Variants in KIAA0319 observed in about 807,000 individuals in gnomAD.
KIAA0319 encodes dyslexia-associated protein KIAA0319.
Under a neutral mutation model 108.4 loss-of-function variants are expected in KIAA0319, and 83 were observed. The observed-to-expected ratio is 0.77, with a 90% CI of 0.64 to 0.92. The LOEUF (loss-of-function observed/expected upper bound fraction) is 0.92, where lower values mean the gene tolerates loss of function less well. Among genes scored for constraint, KIAA0319 ranks in the 40% least tolerant of loss-of-function variants. The probability of loss-of-function intolerance (pLI) is 0.00; values close to 1 mark genes in which losing one functional copy is unlikely to be tolerated. For synonymous variants in KIAA0319, 484 were observed against 510.4 expected (o/e 0.95, Z 0.70); for missense variants, 1,195 against 1,322.4 (o/e 0.90, Z 1.49).
At chr6:24,571,551 C>G (rs1265931589) in intron 11 of KIAA0319, among the ~76,000 whole-genome samples, 1 of 152,082 alleles carries the variant, frequency 6.6e-6, no homozygotes, top group Non-Finnish European at 1.5e-5. Flanking sequence ...TAGGATGGTG[C>G]CCCGGGCTCT....
chr6:24,631,102 T>A (rs1775527094), intron 1 of KIAA0319, among the ~76,000 whole-genome samples: 2 of 152,242 alleles, frequency 1.3e-5, no homozygotes, highest in Admixed American at 6.5e-5. Context: ...AAAGCCCTGC[T>A]TTTTAGAGCC....
chr6:24,556,470 T>G, intron 18 of KIAA0319, 137 bp downstream of exon 18: 1 of 926,762 alleles, frequency 1.1e-6, no homozygotes, highest in African/African-American at 1.7e-5. Context: ...CCTGGCTTAT[T>G]TTGTTATTTT....
In KIAA0319 at chr6:24,595,957, C is replaced by T. The variant is rs1582134046; in HGVS notation, c.717G>A (p.Pro239=). Residue 239 remains proline (P), a synonymous_variant, in exon 3 of 21, where the codon CCG becomes CCA. Coordinates refer to ENST00000378214, the MANE Select transcript of KIAA0319 (RefSeq NM_014809.4). The part of the protein sequence containing the change: ...LPERSVLLPL[P]TTPSSGEVLE... ...ACACCTCTCCTGAAGATGGAGTAGT[C>T]GGCAAGGGAAGCAACACACTTCTCT... 9.3e-6 allele frequency: 15 copies of T among 1,614,108 alleles called. No homozygotes were observed. Among genetic ancestry groups the T allele is most frequent in the Non-Finnish European group, 1.2e-5 (14 of 1,180,016 alleles).
At chr6:24,605,942 C>T (rs1421901953) in intron 1 of KIAA0319, among the ~76,000 whole-genome samples, 2 of 147,268 alleles carry the variant, frequency 1.4e-5, no homozygotes, top group Non-Finnish European at 1.5e-5. Flanking sequence ...ATGGATGTTT[C>T]TTTTTTTTTT....
At chr6:24,639,469 G>T (rs913971247) in intron 1 of KIAA0319, among the ~76,000 whole-genome samples, 2 of 152,184 alleles carry the variant, frequency 1.3e-5, no homozygotes, top group African/African-American at 4.8e-5. Flanking sequence ...TTAAGATAAA[G>T]ACTGAGTTTA....
chr6:24,632,456 T>C (rs961465865), intron 1 of KIAA0319, among the ~76,000 whole-genome samples: 1 of 152,222 alleles, frequency 6.6e-6, no homozygotes, highest in Non-Finnish European at 1.5e-5. Context: ...ATATAAAAGA[T>C]GAAAATGAGT....
At chr6:24,632,003 G>A (rs1026864970) in intron 1 of KIAA0319, among the ~76,000 whole-genome samples, 1 of 152,226 alleles carries the variant, frequency 6.6e-6, no homozygotes, top group African/African-American at 2.4e-5. Flanking sequence ...ATAAACCTGA[G>A]ATTGTCCCAT....
At chr6:24,603,653 G>A (rs1442042887) in intron 1 of KIAA0319, among the ~76,000 whole-genome samples, 2 of 152,114 alleles carry the variant, frequency 1.3e-5, no homozygotes, top group Non-Finnish European at 2.9e-5. Flanking sequence ...GTGTTGTAGG[G>A]ATGAAAAAGA....
chr6:24,554,514 T>C (rs1193659472), intron 19 of KIAA0319, 27 bp downstream of exon 19: 1 of 1,540,180 alleles, frequency 6.5e-7, no homozygotes, highest in Non-Finnish European at 9.0e-7. Flanking sequence ...AGGGTCTCTA[T>C]TTCCCAGGAA....
At chr6:24,597,937 A>AAAAAAAAAC (rs1769956147) in intron 2 of KIAA0319, 5 of 147,354 alleles carry the variant, frequency 3.4e-5, no homozygotes, top group Admixed American at 7.8e-5. Flanking sequence ...AAAAAAAAAA[A>AAAAAAAAAC]AAAAAAAAAA....
chr6:24,624,388 C>T (rs1036548848), intron 1 of KIAA0319, among the ~76,000 whole-genome samples: 1 of 151,754 alleles, frequency 6.6e-6, no homozygotes, highest in Non-Finnish European at 1.5e-5. Flanking sequence ...TAAACAAAAT[C>T]AACATATTTT....
At chr6:24,630,096 T>C (rs1375024713) in intron 1 of KIAA0319, among the ~76,000 whole-genome samples, 1 of 152,118 alleles carries the variant, frequency 6.6e-6, no homozygotes, top group Non-Finnish European at 1.5e-5. Flanking sequence ...GGAGAATTGC[T>C]TGAACCTGGG....
chr6:24,540,200 C>T (rs112168501), downstream of KIAA0319, among the ~76,000 whole-genome samples: 6 of 135,582 alleles, frequency 4.4e-5, no homozygotes, highest in Non-Finnish European at 8.0e-5. Context: ...ATAATAAATA[C>T]GTAAACCAGT....
chr6:24,624,446 T>A (rs1261511805), intron 1 of KIAA0319, among the ~76,000 whole-genome samples: 1 of 152,042 alleles, frequency 6.6e-6, no homozygotes, highest in African/African-American at 2.4e-5. Context: ...CAAATAAAAA[T>A]TTTTTTGGAG....
At chr6:24,634,259 C>T (rs1775930300) in intron 1 of KIAA0319, among the ~76,000 whole-genome samples, 1 of 152,164 alleles carries the variant, frequency 6.6e-6, no homozygotes, top group Non-Finnish European at 1.5e-5. Flanking sequence ...AAACACATGG[C>T]CAGGCAGAAT....
intron 3 of KIAA0319, among the ~76,000 whole-genome samples, chr6:24,591,269 G>T (rs569697588): frequency 2.5e-4 from 38 of 152,216 alleles, no homozygotes; most frequent in African/African-American, 8.7e-4. Flanking sequence ...ATATGGTTAA[G>T]TCTGCATTTA....
intron 10 of KIAA0319, among the ~76,000 whole-genome samples, chr6:24,574,301 G>A (rs745678872): frequency 6.6e-6 from 1 of 152,024 alleles, no homozygotes; most frequent in Admixed American, 6.6e-5. Context: ...GCCAGGTGTA[G>A]TGGTGTGTGC....
intron 1 of KIAA0319, among the ~76,000 whole-genome samples, chr6:24,632,582 C>T (rs2127589496): frequency 6.6e-6 from 1 of 152,332 alleles, no homozygotes; most frequent in South Asian, 2.1e-4. Flanking sequence ...GAAAAGAAAG[C>T]AGTTCTAAAA....
intron 2 of KIAA0319, chr6:24,597,940 A>AAAAAAAAAAAAAAAAAAAAAAAAC (rs1562032993): frequency 8.2e-5 from 12 of 147,078 alleles, no homozygotes; most frequent in African/African-American, 2.9e-4. Flanking sequence ...AAAAAAAAAA[A>AAAAAAAAAAAAAAAAAAAAAAAAC]AAAAAAAAAA....
Sources: allele counts gnomAD v4.1 joint callset (sites outside exome capture counted in the v4.1 genomes callset), GRCh38; gene constraint gnomAD v4.1.1; transcripts MANE v1.5; gene names NCBI Gene and HGNC (gene_info 2026-07-23, HGNC 2026-07-21).